MNAT1: variants seen among roughly 807,000 people sequenced by gnomAD.
The protein encoded by MNAT1 is MNAT1 component of CDK activating kinase.
MNAT1 carries 43 observed loss-of-function variants against 42.0 expected under a neutral mutation model. The observed-to-expected ratio is 1.02, with a 90% confidence interval of 0.80 to 1.32. The LOEUF (loss-of-function observed/expected upper bound fraction) is 1.32, where lower values mean the gene tolerates loss of function less well. Ranked by LOEUF, MNAT1 falls within the 40% of genes most tolerant of loss-of-function variation. The probability of loss-of-function intolerance (pLI) is 0.00; values close to 1 mark genes in which losing one functional copy is unlikely to be tolerated. For missense variants in MNAT1, 306 were observed against 350.4 expected (o/e 0.87, Z 1.01); for synonymous variants, 118 against 120.0 (o/e 0.98, Z 0.11).
intron 7 of MNAT1, among the ~76,000 whole-genome samples, chr14:60,933,635 T>A (rs2035932245): frequency 6.6e-6 from 1 of 152,166 alleles, no homozygotes; most frequent in African/African-American, 2.4e-5. Flanking sequence ...CCTTTGTTAT[T>A]TAAGTAAAAA....
chr14:60,900,912 G>A (rs1350648408), intron 7 of MNAT1, among the ~76,000 whole-genome samples: 1 of 149,878 alleles, frequency 6.7e-6, no homozygotes, highest in African/African-American at 2.4e-5. Flanking sequence ...ACCTGAGCCT[G>A]GGGAGGTTGA....
Position 60,947,318 on chromosome 14 carries a change from A to G in MNAT1, c.810-20911A>G, listed in dbSNP as rs549763341. Among the ~76,000 whole-genome samples the G allele has an allele frequency of 3.9e-5, 6 of 152,258 alleles. No homozygotes were observed. In the East Asian group the frequency reaches 9.7e-4, roughly 25 times the overall value. On this transcript the variant is annotated intron_variant, in intron 7 of 7. Transcript: ENST00000261245. ...CCTGATAATTTGGACCTCCCTCCCAATTCTAACCCCATAGTGCTCCAAAGG... is the reference window on the plus strand; with the variant it reads ...CCTGATAATTTGGACCTCCCTCCCAGTTCTAACCCCATAGTGCTCCAAAGG...
chr14:60,897,542 A>G (rs1172526993), intron 7 of MNAT1, among the ~76,000 whole-genome samples: 5 of 152,012 alleles, frequency 3.3e-5, no homozygotes, highest in Non-Finnish European at 7.4e-5. Context: ...GTATTCTTAA[A>G]TTTTCCTTAT....
intron 6 of MNAT1, among the ~76,000 whole-genome samples, chr14:60,872,638 C>G (rs139667725): frequency 6.6e-6 from 1 of 151,092 alleles, no homozygotes; most frequent in African/African-American, 2.4e-5. Context: ...TTCTTTGGTG[C>G]TATTATATTT....
chr14:60,828,464 G>C (rs2139379159), intron 6 of MNAT1, among the ~76,000 whole-genome samples: 1 of 151,530 alleles, frequency 6.6e-6, no homozygotes, highest in East Asian at 1.9e-4. Context: ...CTATATAGTA[G>C]GAAAAAAACA....
chr14:60,815,658 T>G (rs1418431225), intron 5 of MNAT1, among the ~76,000 whole-genome samples: 1 of 152,218 alleles, frequency 6.6e-6, no homozygotes, highest in Non-Finnish European at 1.5e-5. Flanking sequence ...GAGTTAATAT[T>G]GATTTTTGTG....
chr14:60,913,116 A>G (rs2139532209), intron 7 of MNAT1, among the ~76,000 whole-genome samples: 1 of 152,288 alleles, frequency 6.6e-6, no homozygotes, highest in South Asian at 2.1e-4. Flanking sequence ...AGTTGATCGC[A>G]TCAGTTACTG....
At chr14:60,820,244 A>G (rs1447263078) in intron 6 of MNAT1, among the ~76,000 whole-genome samples, 2 of 152,110 alleles carry the variant, frequency 1.3e-5, no homozygotes, top group South Asian at 2.1e-4. Context: ...TGTATCCCCT[A>G]TTGTAAATTG....
chr14:60,805,035 A>G (rs1486486714), intron 3 of MNAT1, among the ~76,000 whole-genome samples: 1 of 152,120 alleles, frequency 6.6e-6, no homozygotes, highest in Non-Finnish European at 1.5e-5. Flanking sequence ...AAACCAAGAT[A>G]ATTTAGTCCT....
At chr14:60,859,328 T>A (rs991816844) in intron 6 of MNAT1, among the ~76,000 whole-genome samples, 1 of 152,190 alleles carries the variant, frequency 6.6e-6, no homozygotes, top group African/African-American at 2.4e-5. Context: ...TTGGAGATGA[T>A]CTTTAATATT....
chr14:60,924,988 G>T (rs2035736855), intron 7 of MNAT1, among the ~76,000 whole-genome samples: 1 of 152,176 alleles, frequency 6.6e-6, no homozygotes, highest in Non-Finnish European at 1.5e-5. Context: ...ATGTTACATT[G>T]TTAATTAATA....
In MNAT1 at chr14:60,881,278, G is replaced by C. The variant is rs773769304; in HGVS notation, c.809+1443G>C. Among the ~76,000 whole-genome samples, 6 of 152,008 alleles carry C rather than the reference G, an allele frequency of 3.9e-5. No individual in the cohort carries two copies. The East Asian group carries it at 1.2e-3, about 29-fold the overall frequency. ...TGGCTCACTGCAACCTCTGCCTCCT[G>C]GGTTCAAGTGATTCTCATGCCTCAG... On this transcript the variant is annotated intron_variant, in intron 7 of 7. Transcript: ENST00000261245.
chr14:60,765,333 G>C (rs1244428935), intron 1 of MNAT1, among the ~76,000 whole-genome samples: 1 of 152,086 alleles, frequency 6.6e-6, no homozygotes, highest in East Asian at 1.9e-4. Flanking sequence ...GAGAACACAT[G>C]GACACAGGGA....
chr14:60,887,780 C>T (rs2034715149), intron 7 of MNAT1, among the ~76,000 whole-genome samples: 3 of 151,988 alleles, frequency 2.0e-5, no homozygotes, highest in Non-Finnish European at 2.9e-5. Flanking sequence ...CCACCAATCC[C>T]ACAGAAATAC....
At chr14:60,765,371 G>A (rs559814254) in intron 1 of MNAT1, among the ~76,000 whole-genome samples, 5 of 152,156 alleles carry the variant, frequency 3.3e-5, no homozygotes, top group East Asian at 1.9e-4. Context: ...GGGGCCTGTC[G>A]GTGGGTTGGG....
intron 7 of MNAT1, among the ~76,000 whole-genome samples, chr14:60,925,727 A>G (rs976467742): frequency 1.3e-5 from 2 of 152,128 alleles, no homozygotes; most frequent in African/African-American, 2.4e-5. Flanking sequence ...CTGTGTTAAT[A>G]CTTTTTGGAG....
intron 1 of MNAT1, among the ~76,000 whole-genome samples, chr14:60,751,404 T>C (rs1392211288): frequency 6.6e-6 from 1 of 152,038 alleles, no homozygotes; most frequent in Non-Finnish European, 1.5e-5. Flanking sequence ...TAGCTTACGA[T>C]AAAAAGCATC....
intron 6 of MNAT1, among the ~76,000 whole-genome samples, chr14:60,837,258 C>G (rs1047266791): frequency 6.6e-6 from 1 of 152,200 alleles, no homozygotes; most frequent in African/African-American, 2.4e-5. Context: ...ATTCCAGGCA[C>G]CACTGGGTTA....
intron 6 of MNAT1, among the ~76,000 whole-genome samples, chr14:60,851,945 C>G (rs2033834001): frequency 6.6e-6 from 1 of 152,102 alleles, no homozygotes; most frequent in Non-Finnish European, 1.5e-5. Flanking sequence ...TTTATCCAGT[C>G]TATCATTAGT....
Sources: gnomAD v4.1 joint callset for allele counts (sites outside exome capture counted in the v4.1 genomes callset) on GRCh38, gnomAD v4.1.1 for gene constraint, MANE v1.5 for transcripts, NCBI Gene and HGNC (gene_info 2026-07-23, HGNC 2026-07-21) for gene names.